The following MYH15 variants were observed in gnomAD, a reference collection of about 807,000 sequenced individuals.
MYH15 encodes myosin heavy chain 15.
A neutral mutation model predicts 240.5 loss-of-function variants in MYH15; 227 were observed. The observed-to-expected ratio is 0.94, with a 90% confidence interval of 0.85 to 1.05. The LOEUF is 1.05. Ranked by LOEUF, MYH15 falls within the 50% of genes least tolerant of loss-of-function variation. MYH15 has a pLI of 0.00. For missense variants in MYH15, 2,217 were observed against 2,247.5 expected (o/e 0.99, Z 0.27); for synonymous variants, 785 against 796.7 (o/e 0.99, Z 0.25).
At position 108,380,522 on chromosome 3, in the gene MYH15, A is replaced by G. The variant is rs2082334474; in HGVS notation, c.*1023T>C. On this transcript the variant is annotated 3_prime_UTR_variant, in exon 41 of 41. Transcript: ENST00000693548. Reference sequence around the variant, plus strand: ...GCAGCAAGGATGAAGGGAAGTCCATAAGAACAAACAGAACCCATGTCTGTC... The same window carrying G: ...GCAGCAAGGATGAAGGGAAGTCCATGAGAACAAACAGAACCCATGTCTGTC... 6.6e-6 allele frequency: 1 copy of G among 152,326 alleles called. No homozygotes were observed. Among genetic ancestry groups the G allele is most frequent in the South Asian group, 2.1e-4 (1 of 4,834 alleles). The allele number at this position is 152,326 out of a possible 1,614,324, so 9.4% of individuals were successfully genotyped here.
At chr3:108,412,011 A>G (rs1392455745) in intron 30 of MYH15, among the ~76,000 whole-genome samples, 1 of 152,244 alleles carries the variant, frequency 6.6e-6, no homozygotes, top group Non-Finnish European at 1.5e-5. Flanking sequence ...ACCTGACTTA[A>G]GGCAGTAGGA....
chr3:108,428,975 G>C, intron 26 of MYH15, 94 bp from the exon 27 acceptor site: 1 of 1,304,890 alleles, frequency 7.7e-7, no homozygotes. Flanking sequence ...TGAAACTTTT[G>C]GTTCCCAATT....
chr3:108,470,287 G>T, intron 13 of MYH15, 75 bp from the exon 14 acceptor site: 1 of 1,064,844 alleles, frequency 9.4e-7, no homozygotes. Context: ...GTCCAGTAAA[G>T]AAAAAACCAT....
chr3:108,480,358 A>G (rs1443198567), intron 11 of MYH15, among the ~76,000 whole-genome samples: 1 of 152,218 alleles, frequency 6.6e-6, no homozygotes, highest in African/African-American at 2.4e-5. Context: ...TGTAACCCAG[A>G]GGGACTGGAC....
At chr3:108,387,176 A>C (rs540323480) in intron 38 of MYH15, among the ~76,000 whole-genome samples, 1 of 152,174 alleles carries the variant, frequency 6.6e-6, no homozygotes, top group Non-Finnish European at 1.5e-5. Context: ...CCCTTTCAAA[A>C]TGACATTTTT....
At chr3:108,475,592 G>A (rs2083213291) in intron 12 of MYH15, among the ~76,000 whole-genome samples, 2 of 152,146 alleles carry the variant, frequency 1.3e-5, no homozygotes, top group Admixed American at 1.3e-4. Flanking sequence ...GTGTGTCCCA[G>A]ATGGCATAGA....
At chr3:108,440,324 G>A (rs2107568289) in intron 23 of MYH15, among the ~76,000 whole-genome samples, 1 of 152,250 alleles carries the variant, frequency 6.6e-6, no homozygotes, top group South Asian at 2.1e-4. Context: ...TCCCAAGAAA[G>A]TGGCAGTTAA....
At position 108,493,469 on chromosome 3, in the gene MYH15, T is replaced by C. The variant is rs563834878; in HGVS notation, c.712-292A>G. On this transcript the variant is annotated intron_variant, in intron 7 of 40. Coordinates refer to ENST00000693548, the MANE Select transcript of MYH15 (RefSeq NM_014981.3). ...CTGCTGATTGCTACCTGTGTATTCT[T>C]GTGGGCATTGTGAAATCTCTCTGGG... Among the ~76,000 whole-genome samples the C allele has an allele frequency of 1.4e-4, 22 of 152,362 alleles. No homozygotes were observed. In the South Asian group the frequency reaches 3.7e-3, roughly 26 times the overall value.
chr3:108,383,744 A>AAG lies in MYH15; in HGVS notation c.5632-16_5632-15insCT. The AAG allele has an allele frequency of 6.5e-7, 1 of 1,533,476 alleles. No individual in the cohort carries two copies. The highest frequency in any genetic ancestry group is 8.7e-7 in the Non-Finnish European group (1 of 1,148,048). The allele number at this position is 1,533,476 out of a possible 1,614,324, so 95.0% of individuals were successfully genotyped here. A position where few individuals can be genotyped will look rare whatever the true frequency, so the allele number is the denominator to read the frequency against. On this transcript the variant is annotated splice_polypyrimidine_tract_variant and intron_variant, in intron 39 of 40. Transcript: ENST00000693548. ...GCTTGTGTTTCCTATAAAAATAAAA[A>AAG]AAAAAAAAAAGAAATCTCCATGCCT... is the stretch of plus-strand genomic sequence containing the variant.
chr3:108,401,213 T>C (rs1029395020), intron 33 of MYH15, among the ~76,000 whole-genome samples: 1 of 152,196 alleles, frequency 6.6e-6, no homozygotes, highest in African/African-American at 2.4e-5. Flanking sequence ...AATATGACTA[T>C]ATTTGGAGAT....
intron 12 of MYH15, among the ~76,000 whole-genome samples, chr3:108,475,043 T>G (rs571717517): frequency 6.0e-4 from 91 of 152,314 alleles, no homozygotes; most frequent in African/African-American, 2.1e-3. Flanking sequence ...ATTAATAAAT[T>G]GATTTTGATC....
intron 21 of MYH15, among the ~76,000 whole-genome samples, chr3:108,449,297 G>C (rs2082953551): frequency 6.6e-6 from 1 of 151,664 alleles, no homozygotes; most frequent in Non-Finnish European, 1.5e-5. Flanking sequence ...CAAGACATTA[G>C]AAACAAAGCT....
At chr3:108,402,935 CTCT>C (rs1487477206) in intron 33 of MYH15, among the ~76,000 whole-genome samples, 1 of 152,198 alleles carries the variant, frequency 6.6e-6, no homozygotes, top group Non-Finnish European at 1.5e-5. Flanking sequence ...CAGCTACCAG[CTCT>C]TCTTCTCCTT....
chr3:108,532,355 G>C (rs900313291), upstream of MYH15, among the ~76,000 whole-genome samples: 2 of 152,114 alleles, frequency 1.3e-5, no homozygotes, highest in Non-Finnish European at 2.9e-5. Flanking sequence ...CTGACCTCCT[G>C]AGAATAAGAA....
At chr3:108,486,720 G>T (rs561032069) in intron 9 of MYH15, among the ~76,000 whole-genome samples, 194 bp from the exon 10 acceptor site, 4 of 152,184 alleles carry the variant, frequency 2.6e-5, no homozygotes, top group African/African-American at 9.6e-5. Context: ...ATGTGTTAAT[G>T]CCTCCCAAGA....
At chr3:108,437,771 C>G (rs1195493539) in intron 24 of MYH15, 72 bp from the exon 25 acceptor site, 15 of 1,393,292 alleles carry the variant, frequency 1.1e-5, no homozygotes, top group Admixed American at 5.9e-5. Flanking sequence ...GTTCATTAAC[C>G]ACTTACCTTC....
intron 5 of MYH15, 66 bp from the exon 6 acceptor site, chr3:108,498,211 A>G: frequency 8.5e-6 from 12 of 1,412,970 alleles, no homozygotes; most frequent in Non-Finnish European, 1.2e-5. Context: ...AAGTTAGGTA[A>G]TTTTGATTAT....
At chr3:108,477,092 G>A (rs2083228180) in intron 11 of MYH15, among the ~76,000 whole-genome samples, 1 of 152,106 alleles carries the variant, frequency 6.6e-6, no homozygotes, top group African/African-American at 2.4e-5. Context: ...ACTGATGAAT[G>A]GATTAAAAAA....
chr3:108,428,340 G>A, intron 27 of MYH15, 152 bp downstream of exon 27: 2 of 950,778 alleles, frequency 2.1e-6, no homozygotes, highest in Non-Finnish European at 3.1e-6. Flanking sequence ...CTAAGGTCAG[G>A]CCTGATCTAT....
Sources: gnomAD v4.1 joint callset for allele counts (sites outside exome capture counted in the v4.1 genomes callset) on GRCh38, gnomAD v4.1.1 for gene constraint, MANE v1.5 for transcripts, NCBI Gene and HGNC (gene_info 2026-07-23, HGNC 2026-07-21) for gene names.